PIGG: variants seen among roughly 807,000 people sequenced by gnomAD.
PIGG encodes the protein phosphatidylinositol glycan anchor biosynthesis class G (EMM blood group).
PIGG carries 70 observed loss-of-function variants against 83.2 expected under a neutral mutation model. That is an observed-to-expected ratio of 0.84 (90% confidence interval 0.69 to 1.03). PIGG has a LOEUF of 1.03. PIGG is among the 50% of genes least tolerant of loss of function. The pLI is 0.00. For missense variants in PIGG, 1,257 were observed against 1,233.6 expected, an observed-to-expected ratio of 1.02 and a Z score of -0.28; for synonymous variants, 532 against 519.5, an observed-to-expected ratio of 1.02 and a Z score of -0.33.
At chr4:527,666 G>A (rs1267777351) in intron 10 of PIGG, 1 of 988,544 alleles carries the variant, frequency 1.0e-6, no homozygotes, top group East Asian at 1.1e-4. Context: ...GGGAAATGAA[G>A]CTTGCTGGAA....
chr4:538,411 A>G (rs10213007), intron 12 of PIGG, among the ~76,000 whole-genome samples: 26,212 of 152,164 alleles, frequency 0.17, 2,738 homozygotes, highest in African/African-American at 0.3. Flanking sequence ...CAGACCAGAC[A>G]GTCCTCCACA....
chr4:515,447 C>G lies in PIGG; in HGVS notation c.902-526C>G, dbSNP rs1723510335. 6.6e-6 allele frequency among the ~76,000 whole-genome samples: 1 copy of G among 152,246 alleles called. No homozygotes were observed. The highest frequency in any genetic ancestry group is 1.5e-5 in the Non-Finnish European group (1 of 68,040). On this transcript the variant is annotated intron_variant, in intron 5 of 12. Transcript: ENST00000453061. The surrounding 1 kb of genome is among the most constrained non-coding windows in gnomAD (Gnocchi z 4.2). Reference sequence around the variant, plus strand: ...AAGTTGATTAGAGCACCCGGCCCAGCTGAACCTGCCTCATTCTGCGCTCCC... The same window carrying G: ...AAGTTGATTAGAGCACCCGGCCCAGGTGAACCTGCCTCATTCTGCGCTCCC...
chr4:501,797 TGAA>T (rs1379171326), intron 2 of PIGG: 8 of 152,400 alleles, frequency 5.2e-5, no homozygotes, highest in African/African-American at 1.7e-4. Context: ...AGGGAGGCAG[TGAA>T]GAACAAGACA....
intron 6 of PIGG, among the ~76,000 whole-genome samples, chr4:517,458 C>T (rs1197090613): frequency 2.0e-5 from 3 of 152,052 alleles, no homozygotes; most frequent in South Asian, 2.1e-4. Flanking sequence ...CAGGAGGGCA[C>T]GACTTAGGAG....
At chr4:526,465 C>T (rs1305438858) in intron 9 of PIGG, among the ~76,000 whole-genome samples, 2 of 152,216 alleles carry the variant, frequency 1.3e-5, no homozygotes, top group African/African-American at 2.4e-5. Flanking sequence ...ACCTCTGCAC[C>T]ATCTCCTCAC....
In PIGG at chr4:539,070, A is replaced by G. The variant is rs1469517367; in HGVS notation, c.2736-83A>G. ...CTACTCCAAGGGCAAGAGCTACTGG[A>G]GTCTTTTTGAAAATAAAAGTGTTGT... On this transcript the variant is annotated intron_variant, in intron 12 of 12. Coordinates refer to ENST00000453061, the MANE Select transcript of PIGG (RefSeq NM_001127178.3). The G allele has an allele frequency of 4.7e-6, 4 of 850,926 alleles. No homozygotes were observed. The African/African-American group carries it at 5.0e-5, about 11-fold the overall frequency. The allele number at this position is 850,926 out of a possible 1,614,324, so 52.7% of individuals were successfully genotyped here.
intron 11 of PIGG, 67 bp from the exon 12 acceptor site, chr4:533,751 C>T (rs1400509769): frequency 1.4e-5 from 20 of 1,480,750 alleles, no homozygotes; most frequent in Admixed American, 1.2e-4. Context: ...TCGTGGCTCA[C>T]GCTAACATCG....
intron 5 of PIGG, 29 bp downstream of exon 5, chr4:508,999 A>G (rs1720912609): frequency 6.3e-7 from 1 of 1,583,212 alleles, no homozygotes; most frequent in African/African-American, 1.4e-5. Context: ...TAACAGTTGG[A>G]AATTGTATTA....
chr4:503,613 A>G (rs1718543124), intron 2 of PIGG, among the ~76,000 whole-genome samples: 2 of 152,220 alleles, frequency 1.3e-5, no homozygotes, highest in African/African-American at 4.8e-5. Flanking sequence ...TGGCACTTCC[A>G]TAGGAAGCTG....
In PIGG at chr4:507,432, G is replaced by T; in HGVS notation, c.598G>T (p.Asp200Tyr). The change falls in exon 4 of 13, where the codon GAT (aspartate) becomes TAT (tyrosine). Residue 200 changes from aspartate to tyrosine, a missense_variant. By Grantham distance (160) the Asp-to-Tyr change is radical. Transcript: ENST00000453061. The part of the protein sequence containing the change: ...EVDNNVTRHL[D>Y]KVLKRGDWDI... ...GGATAATAATGTCACGAGGCATTTG[G>T]ATAAAGTATTAAAAAGAGGAGATTG... 6.2e-7 allele frequency: 1 copy of T among 1,613,240 alleles called. No homozygotes were observed. Among genetic ancestry groups the T allele is most frequent in the South Asian group, 1.1e-5 (1 of 90,986 alleles).
chr4:519,402 A>T (rs1286872307), intron 6 of PIGG, among the ~76,000 whole-genome samples: 1 of 152,198 alleles, frequency 6.6e-6, no homozygotes, highest in Non-Finnish European at 1.5e-5. Flanking sequence ...TGACTCTCTG[A>T]TAGGCGGTGG....
intron 5 of PIGG, among the ~76,000 whole-genome samples, chr4:514,137 G>C (rs193068439): frequency 6.6e-6 from 1 of 152,280 alleles, no homozygotes; most frequent in East Asian, 1.9e-4. Context: ...CCCAAGTCCA[G>C]CTTCACCAGT....
rs1439004901 is a variant in PIGG, at chr4:508,870, T to C, written c.801T>C (p.Gly267=). 6.2e-7 allele frequency: 1 copy of C among 1,613,912 alleles called. No individual in the cohort carries two copies. Among genetic ancestry groups the C allele is most frequent in the African/African-American group, 1.3e-5 (1 of 74,914 alleles). The change falls in exon 5 of 13, where the codon GGT becomes GGC. Residue 267 remains glycine (G), a synonymous_variant. Transcript: ENST00000453061. The part of the protein sequence containing the change: ...TPLPNLLVLC[G]DHGMSETGSH... ...TACCCAATTTGCTGGTTCTTTGTGG[T>C]GACCATGGCATGTCTGAAACAGGAA...
rs141519421 is a variant in PIGG, at chr4:538,968, C to G, written c.2736-185C>G. On this transcript the variant is annotated intron_variant, in intron 12 of 12. Transcript: ENST00000453061. ...GGGGGCAGGTTGGGTTTTCCCGTCT[C>G]CAGCGCATCTGGAGAGGCACCTGTC... Among the ~76,000 whole-genome samples, 1,378 of 152,318 alleles carry G rather than the reference C, an allele frequency of 9.0e-3. 7 individuals carry two copies. The highest frequency in any genetic ancestry group is 0.027 in the Middle Eastern group (8 of 294).
chr4:503,880 ACAC>A (rs1229207945), intron 2 of PIGG, among the ~76,000 whole-genome samples: 2 of 151,062 alleles, frequency 1.3e-5, no homozygotes, highest in Non-Finnish European at 3.0e-5. Context: ...ACACACACAC[ACAC>A]ACAGAAAAGA....
In PIGG at chr4:500,496, G is replaced by A; in HGVS notation, c.255G>A (p.Lys85=). ...GAGATGATTTTGTGTTTGGGTCAAA[G>A]GGTGTGAAATTTATGCCCTACACAA... ...ALRDDFVFGS[K]GVKFMPYTTY... is the part of the protein sequence containing the mutation. The change falls in exon 2 of 13, where the codon AAG becomes AAA. Residue 85 remains lysine, a synonymous_variant. Transcript: ENST00000453061. 1 of 1,613,358 alleles carries A rather than the reference G, an allele frequency of 6.2e-7. No homozygotes were observed. Among genetic ancestry groups the A allele is most frequent in the Non-Finnish European group, 8.5e-7 (1 of 1,179,310 alleles).
chr4:509,491 G>A (rs1191164266), intron 5 of PIGG, among the ~76,000 whole-genome samples: 1 of 152,158 alleles, frequency 6.6e-6, no homozygotes, highest in Non-Finnish European at 1.5e-5. Context: ...GCGGCCGCCG[G>A]CCTTGCTGTC....
At position 539,022 on chromosome 4, in the gene PIGG, CAGA is replaced by C. The variant is rs1388869635; in HGVS notation, c.2736-125_2736-123del. 14 of 635,568 alleles carry C rather than the reference CAGA, an allele frequency of 2.2e-5. No homozygotes were observed. The South Asian group carries it at 2.3e-4, about 10-fold the overall frequency. 39.4% of individuals were successfully genotyped at this position (635,568 alleles called of 1,614,324 possible). ...GCACCATAGTGACTGGATGTGTGTG[CAGA>C]AGAAGGAACGCGGTGCCCTCTACTC... On this transcript the variant is annotated intron_variant, in intron 12 of 12. Coordinates refer to ENST00000453061, the MANE Select transcript of PIGG (RefSeq NM_001127178.3).
In PIGG at chr4:539,916, G is replaced by C. The variant is rs950121560; in HGVS notation, c.*547G>C. The C allele has an allele frequency of 6.6e-6, 1 of 152,412 alleles. No individual in the cohort carries two copies. Among genetic ancestry groups the C allele is most frequent in the African/African-American group, 2.4e-5 (1 of 41,448 alleles). 9.4% of individuals were successfully genotyped at this position (152,412 alleles called of 1,614,324 possible). On this transcript the variant is annotated 3_prime_UTR_variant, in exon 13 of 13. Transcript: ENST00000453061. ...AAACAAAAAAATTCAGTGAGACCCA[G>C]CACTTTGGGAGGCCAGAGTGGGGGT...
Sources: allele counts gnomAD v4.1 joint callset (sites outside exome capture counted in the v4.1 genomes callset), GRCh38; gene constraint gnomAD v4.1.1; non-coding constraint Gnocchi (gnomAD v3.1); transcripts MANE v1.5; gene names NCBI Gene and HGNC (gene_info 2026-07-23, HGNC 2026-07-21).